The following CROCC2 variants were observed in gnomAD, a reference collection of about 807,000 sequenced individuals.
CROCC2 encodes ciliary rootlet coiled-coil protein 2.
In CROCC2, 163 loss-of-function variants were observed where a neutral mutation model predicts 177.6. The ratio of observed to expected loss-of-function variants is 0.92; its 90% CI spans 0.81 to 1.05. The LOEUF (loss-of-function observed/expected upper bound fraction) is 1.05, where lower values mean the gene tolerates loss of function less well. Ranked by LOEUF, CROCC2 falls within the 50% of genes least tolerant of loss-of-function variation. The probability of loss-of-function intolerance (pLI) is 0.00; values close to 1 mark genes in which losing one functional copy is unlikely to be tolerated. For synonymous variants in CROCC2, 904 were observed against 787.3 expected (o/e 1.15, Z -2.48); for missense variants, 1,929 against 1,797.8 (o/e 1.07, Z -1.32).
At chr2:240,907,580 T>C (rs1195984775) in intron 1 of CROCC2, among the ~76,000 whole-genome samples, 9 of 152,150 alleles carry the variant, frequency 5.9e-5, no homozygotes, top group Non-Finnish European at 1.5e-5. Flanking sequence ...CCACAGCTGG[T>C]GCAGGTGACC....
chr2:240,927,212 G>C (rs994287388), intron 5 of CROCC2, among the ~76,000 whole-genome samples: 1 of 152,162 alleles, frequency 6.6e-6, no homozygotes, highest in African/African-American at 2.4e-5. Context: ...TCTTCTCACC[G>C]GCTGCTCTGA....
chr2:240,927,839 T>A (rs1251710721), intron 5 of CROCC2, among the ~76,000 whole-genome samples: 3 of 152,200 alleles, frequency 2.0e-5, no homozygotes, highest in African/African-American at 7.2e-5. Context: ...TTAGTAGAGA[T>A]GGCATTTCAC....
intron 31 of CROCC2, among the ~76,000 whole-genome samples, chr2:240,992,025 A>G (rs1190910530): frequency 6.6e-6 from 1 of 152,142 alleles, no homozygotes. Flanking sequence ...TAACACTTAA[A>G]GCTGTTACAG....
In CROCC2 at chr2:240,949,062, C is replaced by A; in HGVS notation, c.2447C>A (p.Ala816Asp). The A allele has an allele frequency of 1.3e-6, 2 of 1,548,554 alleles. No homozygotes were observed. Among genetic ancestry groups the A allele is most frequent in the Non-Finnish European group, 8.7e-7 (1 of 1,146,524 alleles). ...CTGCAGGAGCAGCTGGAGGAGGAAG[C>A]CCGGAGCGCAGGACTCGCGCGGCAG... ...TKLQEQLEEE[A>D]RSAGLARQAL... is the part of the protein sequence containing the mutation. The change falls in exon 16 of 32, where the codon GCC becomes GAC. Residue 816 changes from alanine to aspartate, a missense_variant. Around this residue, in one of 3 missense-constraint regions of CROCC2, gnomAD observed 1,397 missense variants for 1,239.9 expected, o/e 1.13. Transcript: ENST00000690015. This position sits in a 1 kb window ranked among gnomAD's most constrained non-coding sequence, Gnocchi z 4.5.
At chr2:240,909,543 C>T (rs1008595816) in intron 1 of CROCC2, among the ~76,000 whole-genome samples, 7 of 152,200 alleles carry the variant, frequency 4.6e-5, no homozygotes, top group South Asian at 2.1e-4. Flanking sequence ...AAAGCCGAGG[C>T]GTAAGGGTTG....
Position 240,932,184 on chromosome 2 carries a change from C to A in CROCC2, c.948-134C>A, listed in dbSNP as rs887632698. ...ACATGCTCAGACCAGGGACAGAGGCCACTCAGACGGAGGCATCACCCAGCA... is the reference window on the plus strand; with the variant it reads ...ACATGCTCAGACCAGGGACAGAGGCAACTCAGACGGAGGCATCACCCAGCA... On this transcript the variant is annotated intron_variant, in intron 7 of 31. Coordinates refer to ENST00000690015, the MANE Select transcript of CROCC2 (RefSeq NM_001351305.2). 1.1e-5 allele frequency: 7 copies of A among 613,310 alleles called. No homozygotes were observed. In the African/African-American group the frequency reaches 1.3e-4, roughly 11 times the overall value. The allele number at this position is 613,310 out of a possible 1,614,324, so 38.0% of individuals were successfully genotyped here.
chr2:240,906,812 C>T (rs1213763084), intron 1 of CROCC2, among the ~76,000 whole-genome samples: 1 of 152,212 alleles, frequency 6.6e-6, no homozygotes, highest in Admixed American at 6.5e-5. Context: ...GAGAGAGAGC[C>T]TGGGGAGAGA....
At chr2:240,938,302 C>A (rs1484389593) in intron 14 of CROCC2, among the ~76,000 whole-genome samples, 2 of 152,190 alleles carry the variant, frequency 1.3e-5, no homozygotes, top group African/African-American at 4.8e-5. Context: ...CATACTAATA[C>A]CCAGTTTTTC....
intron 1 of CROCC2, among the ~76,000 whole-genome samples, chr2:240,915,499 T>A (rs1471731489): frequency 6.6e-6 from 1 of 152,178 alleles, no homozygotes; most frequent in African/African-American, 2.4e-5. Flanking sequence ...AACGCTCCCA[T>A]TTCACAGATG....
At chr2:240,935,225 G>A in intron 13 of CROCC2, 133 bp from the exon 14 acceptor site, 1 of 1,192,162 alleles carries the variant, frequency 8.4e-7, no homozygotes, top group South Asian at 3.0e-5. Flanking sequence ...AGGCCTGAGG[G>A]AGGGAAGAGA....
In CROCC2 at chr2:240,918,782, C is replaced by T. The variant is rs762195186; in HGVS notation, c.135C>T (p.Thr45=). 3.2e-5 allele frequency: 19 copies of T among 592,196 alleles called. No individual in the cohort carries two copies. The highest frequency in any genetic ancestry group is 9.4e-5 in the Admixed American group (3 of 31,822). The allele number at this position is 592,196 out of a possible 1,614,324, so 36.7% of individuals were successfully genotyped here. The change falls in exon 2 of 32, where the codon ACC becomes ACT. Residue 45 remains threonine, a synonymous_variant. Transcript: ENST00000690015. This position sits in a 1 kb window ranked among gnomAD's most constrained non-coding sequence, Gnocchi z 6.3. ...CCAGCAGGGAAGACCGGGCGCTGAC[C>T]GTGCGTGGGGAAGGCCGGCAGGCCT... The part of the protein sequence containing the change: ...PTASREDRAL[T]VRGEGRQASP...
rs1574787511 is a variant in CROCC2, at chr2:240,968,408, A to G, written c.4401+146A>G. On this transcript the variant is annotated intron_variant, in intron 27 of 31. Coordinates refer to ENST00000690015, the MANE Select transcript of CROCC2 (RefSeq NM_001351305.2). ...TCTGTGGGTGTTCGGGGCTGGAGCC[A>G]GCCCGGTGGGGCCCTGGGGCAGAGG... 5.4e-6 allele frequency: 6 copies of G among 1,114,902 alleles called. No individual in the cohort carries two copies. The East Asian group carries it at 1.4e-4, about 26-fold the overall frequency. 69.1% of individuals were successfully genotyped at this position (1,114,902 alleles called of 1,614,324 possible).
At chr2:240,959,540 AAG>A (rs2059617421) in intron 20 of CROCC2, 96 bp downstream of exon 20, 2 of 1,424,136 alleles carry the variant, frequency 1.4e-6, no homozygotes, top group South Asian at 1.4e-5. Context: ...GCCAGGAGGA[AAG>A]AGAGGCTGTA....
Position 240,993,296 on chromosome 2 carries a change from T to C in CROCC2, c.*215T>C, listed in dbSNP as rs2059891814. ...CCTCCGAATTTTGAATTTTAATAAATAGTTGAATCAGCGTAGGAGATGCTA... is the reference window on the plus strand; with the variant it reads ...CCTCCGAATTTTGAATTTTAATAAACAGTTGAATCAGCGTAGGAGATGCTA... On this transcript the variant is annotated 3_prime_UTR_variant, in exon 32 of 32. Coordinates refer to ENST00000690015, the MANE Select transcript of CROCC2 (RefSeq NM_001351305.2). 7.3e-6 allele frequency: 4 copies of C among 549,836 alleles called. No individual in the cohort carries two copies. The highest frequency in any genetic ancestry group is 1.3e-5 in the Non-Finnish European group (4 of 305,220). 34.1% of individuals were successfully genotyped at this position (549,836 alleles called of 1,614,324 possible).
chr2:240,983,133 G>A, intron 28 of CROCC2, 104 bp downstream of exon 28: 1 of 1,199,124 alleles, frequency 8.3e-7, no homozygotes, highest in Non-Finnish European at 1.2e-6. Flanking sequence ...CCCTCAACAT[G>A]AAGGGAGGCC....
chr2:240,963,295 C>T, intron 20 of CROCC2: 1 of 503,442 alleles, frequency 2.0e-6, no homozygotes, highest in Non-Finnish European at 3.5e-6. Flanking sequence ...TCCAGAGAGG[C>T]CGCAGCGTGG....
At chr2:240,930,739 G>T (rs906214871) in intron 6 of CROCC2, among the ~76,000 whole-genome samples, 192 bp from the exon 7 acceptor site, 1 of 152,088 alleles carries the variant, frequency 6.6e-6, no homozygotes, top group Admixed American at 6.5e-5. Flanking sequence ...GTGCAACCTG[G>T]TCCTGCCCCT....
rs998505266 is a variant in CROCC2, at chr2:240,962,246, A to G, written c.3088-1310A>G. Among the ~76,000 whole-genome samples, 179 of 152,038 alleles carry G rather than the reference A, an allele frequency of 1.2e-3. 5 individuals are homozygous for G. The highest frequency in any genetic ancestry group is 0.012 in the Admixed American group (178 of 15,266). On this transcript the variant is annotated intron_variant, in intron 20 of 31. Coordinates refer to ENST00000690015, the MANE Select transcript of CROCC2 (RefSeq NM_001351305.2). ...AATCACATTAAGTGATTTGGCCGTAAAATTCCTGTAAAAGGGATGGCTGTT... is the reference window on the plus strand; with the variant it reads ...AATCACATTAAGTGATTTGGCCGTAGAATTCCTGTAAAAGGGATGGCTGTT...
intron 14 of CROCC2, among the ~76,000 whole-genome samples, chr2:240,937,007 G>C (rs891450321): frequency 2.0e-5 from 3 of 152,160 alleles, no homozygotes; most frequent in Non-Finnish European, 4.4e-5. Flanking sequence ...AAATACTTAG[G>C]ACCAAAACTG....
Sources: gnomAD v4.1 joint callset for allele counts (sites outside exome capture counted in the v4.1 genomes callset) on GRCh38, gnomAD v4.1.1 for gene constraint, gnomAD v4.1.1 regional missense constraint, Gnocchi (gnomAD v3.1) non-coding constraint, MANE v1.5 for transcripts, NCBI Gene and HGNC (gene_info 2026-07-23, HGNC 2026-07-21) for gene names.